SOAT1: variants seen among roughly 807,000 people sequenced by gnomAD.
The protein encoded by SOAT1 is sterol O-acyltransferase 1.
SOAT1 carries 55 observed loss-of-function variants against 69.5 expected under a neutral mutation model. That is an observed-to-expected ratio of 0.79 (90% CI 0.64 to 0.99). The LOEUF (loss-of-function observed/expected upper bound fraction) is 0.99, where lower values mean the gene tolerates loss of function less well. Among genes scored for constraint, SOAT1 ranks in the 50% least tolerant of loss-of-function variants. SOAT1 has a pLI of 0.00. For missense variants in SOAT1, 580 were observed against 669.3 expected (o/e 0.87, Z 1.47); for synonymous variants, 231 against 224.7 (o/e 1.03, Z -0.25).
At chr1:179,351,021 C>CTTTTTTTTTTTTTTTT (rs201449849) in intron 14 of SOAT1, among the ~76,000 whole-genome samples, 74 of 127,530 alleles carry the variant, frequency 5.8e-4, no homozygotes, top group Middle Eastern at 3.8e-3. Context: ...ATATTTCTTT[C>CTTTTTTTTTTTTTTTT]TTTTTTTTTT....
At chr1:179,326,550 C>CTTTTTTTTTTTTTTTTTTTTT (rs10568516) in intron 3 of SOAT1, among the ~76,000 whole-genome samples, 1 of 106,262 alleles carries the variant, frequency 9.4e-6, no homozygotes, top group Non-Finnish European at 1.9e-5. Flanking sequence ...AATTTCTTTT[C>CTTTTTTTTTTTTTTTTTTTTT]TTTTTTTTTT....
chr1:179,353,238 T>A (rs1318416519), intron 15 of SOAT1, among the ~76,000 whole-genome samples: 1 of 127,232 alleles, frequency 7.9e-6, no homozygotes, highest in Non-Finnish European at 1.6e-5. Flanking sequence ...TTTGTCGTCC[T>A]TAACCACCAT....
intron 2 of SOAT1, among the ~76,000 whole-genome samples, chr1:179,304,343 T>C (rs1204738244): frequency 1.3e-5 from 2 of 151,506 alleles, no homozygotes; most frequent in Admixed American, 1.3e-4. Flanking sequence ...AATGGTGCGA[T>C]ATTGGCTTAC....
intron 4 of SOAT1, among the ~76,000 whole-genome samples, chr1:179,336,198 C>T (rs1666147247): frequency 6.7e-6 from 1 of 149,866 alleles, no homozygotes; most frequent in Non-Finnish European, 1.5e-5. Flanking sequence ...TGTGGTGGCT[C>T]ATACCTGTAA....
At chr1:179,297,278 G>T (rs1297250008) in intron 1 of SOAT1, among the ~76,000 whole-genome samples, 1 of 152,108 alleles carries the variant, frequency 6.6e-6, no homozygotes, top group Non-Finnish European at 1.5e-5. Context: ...CTAAAACTGT[G>T]CATGTAATCA....
chr1:179,321,343 C>G (rs1665594187), intron 2 of SOAT1, among the ~76,000 whole-genome samples: 1 of 151,960 alleles, frequency 6.6e-6, no homozygotes, highest in South Asian at 2.1e-4. Flanking sequence ...TTTTTAAAAA[C>G]ATTTATTGTA....
intron 2 of SOAT1, among the ~76,000 whole-genome samples, chr1:179,308,826 A>C (rs968789037): frequency 1.4e-4 from 22 of 151,984 alleles, no homozygotes; most frequent in Admixed American, 5.9e-4. Flanking sequence ...TTTTTTTTAC[A>C]TGTGGGATCA....
Position 179,342,902 on chromosome 1 carries a change from C to G in SOAT1, c.900C>G (p.Phe300Leu). Residue 300 changes from phenylalanine to leucine, a missense_variant, in exon 9 of 16, where the codon TTC (phenylalanine) becomes TTG (leucine). Coordinates refer to ENST00000367619, the MANE Select transcript of SOAT1 (RefSeq NM_003101.6). Reference protein sequence around the residue: ...PIPTVNQYLYFLFAPTLIYRD... With the variant: ...PIPTVNQYLYLLFAPTLIYRD... The stretch of plus-strand genomic sequence containing the variant: ...CTACAGTCAACCAGTATTTGTACTT[C>G]TTATTTGCTCCTACCCTTATCTACC... The G allele has an allele frequency of 6.2e-7, 1 of 1,613,842 alleles. No individual in the cohort carries two copies. Among genetic ancestry groups the G allele is most frequent in the Non-Finnish European group, 8.5e-7 (1 of 1,179,762 alleles).
chr1:179,350,315 A>G lies in SOAT1; in HGVS notation c.1334A>G (p.Lys445Arg). 1 of 1,612,004 alleles carries G rather than the reference A, an allele frequency of 6.2e-7. No homozygotes were observed. The highest frequency in any genetic ancestry group is 8.5e-7 in the Non-Finnish European group (1 of 1,179,526). The change falls in exon 14 of 16, where the codon AAA (lysine) becomes AGA (arginine). Residue 445 changes from lysine (K) to arginine (R), a missense_variant. Lys to Arg is a conservative substitution (Grantham distance 26, BLOSUM62 2). Transcript: ENST00000367619. ...CTTTAGTTTTTCTCCAAGAGATTCA[A>G]ATCTGCTGCCATGTTAGCTGTCTTT... The part of the protein sequence containing the change: ...DFLWFFSKRF[K>R]SAAMLAVFAV...
At chr1:179,334,289 A>G (rs1666070728) in intron 3 of SOAT1, among the ~76,000 whole-genome samples, 1 of 152,184 alleles carries the variant, frequency 6.6e-6, no homozygotes, top group African/African-American at 2.4e-5. Flanking sequence ...TAGAAGTTAT[A>G]TTAGAGTAGA....
At chr1:179,302,915 G>T in intron 2 of SOAT1, 113 bp downstream of exon 2, 1 of 558,582 alleles carries the variant, frequency 1.8e-6, no homozygotes, top group Non-Finnish European at 3.1e-6. Flanking sequence ...GGTATTGATA[G>T]AGTTTTATAT....
At chr1:179,307,729 C>G (rs924011181) in intron 2 of SOAT1, among the ~76,000 whole-genome samples, 5 of 152,160 alleles carry the variant, frequency 3.3e-5, no homozygotes, top group African/African-American at 1.2e-4. Context: ...TTATGCAAAG[C>G]CAAGGATAGC....
At chr1:179,329,992 C>T (rs1665919835) in intron 3 of SOAT1, among the ~76,000 whole-genome samples, 1 of 152,188 alleles carries the variant, frequency 6.6e-6, no homozygotes, top group South Asian at 2.1e-4. Context: ...CAGTTCCCTG[C>T]CTCACCATTT....
intron 2 of SOAT1, among the ~76,000 whole-genome samples, chr1:179,317,532 C>CAAAAA (rs61402247): frequency 1.5e-4 from 16 of 106,316 alleles, no homozygotes; most frequent in African/African-American, 6.0e-4. Context: ...GACTCCGTCT[C>CAAAAA]AAAAAAAAAA....
At chr1:179,322,705 C>A (rs1021084454) in intron 2 of SOAT1, among the ~76,000 whole-genome samples, 1 of 152,182 alleles carries the variant, frequency 6.6e-6, no homozygotes, top group Non-Finnish European at 1.5e-5. Context: ...ATTTAGATTG[C>A]AAACACTAGT....
At position 179,353,721 on chromosome 1, in the gene SOAT1, T is replaced by C; in HGVS notation, c.*80T>C. On this transcript the variant is annotated 3_prime_UTR_variant, in exon 16 of 16. Transcript: ENST00000367619. ...GGAGCCAGCTGTTTCCAGTTGTTAC[T>C]GAAGTTATCTGTGTTATTTGGACCA... 1 of 1,192,370 alleles carries C rather than the reference T, an allele frequency of 8.4e-7. No individual in the cohort carries two copies. The highest frequency in any genetic ancestry group is 1.5e-5 in the African/African-American group (1 of 66,122). 73.9% of individuals were successfully genotyped at this position (1,192,370 alleles called of 1,614,324 possible). A position where few individuals can be genotyped will look rare whatever the true frequency, so the allele number is the denominator to read the frequency against.
intron 11 of SOAT1, among the ~76,000 whole-genome samples, chr1:179,346,353 T>C (rs1211393634): frequency 6.6e-6 from 1 of 152,190 alleles, no homozygotes; most frequent in Admixed American, 6.5e-5. Context: ...GATGGACATA[T>C]AAATGGATAT....
At chr1:179,340,842 T>TATATA (rs1491188378) in intron 6 of SOAT1, among the ~76,000 whole-genome samples, 186 bp from the exon 7 acceptor site, 1 of 146,852 alleles carries the variant, frequency 6.8e-6, no homozygotes, top group African/African-American at 2.5e-5. Flanking sequence ...TATATATATA[T>TATATA]TGTAAAGCAG....
intron 2 of SOAT1, among the ~76,000 whole-genome samples, chr1:179,309,056 C>T (rs1665127827): frequency 6.6e-6 from 1 of 152,174 alleles, no homozygotes; most frequent in South Asian, 2.1e-4. Flanking sequence ...GAAACAGCAT[C>T]ATTGCTTACT....
Sources: gnomAD v4.1 joint callset for allele counts (sites outside exome capture counted in the v4.1 genomes callset) on GRCh38, gnomAD v4.1.1 for gene constraint, MANE v1.5 for transcripts, NCBI Gene and HGNC (gene_info 2026-07-23, HGNC 2026-07-21) for gene names.